Variants in CADM2 observed in about 807,000 individuals in gnomAD.
CADM2 encodes the protein immunoglobulin superfamily member 4D.
Under a neutral mutation model 49.8 loss-of-function variants are expected in CADM2, and 12 were observed. The ratio of observed to expected loss-of-function variants is 0.24; its 90% CI spans 0.15 to 0.39. CADM2 has a LOEUF of 0.39. Ranked by LOEUF, CADM2 falls within the 10% of genes least tolerant of loss-of-function variation. CADM2 has a pLI of 1.00. For missense variants in CADM2, 378 were observed against 492.3 expected (o/e 0.77, Z 2.20); for synonymous variants, 214 against 175.4 (o/e 1.22, Z -1.74).
At position 84,959,360 on chromosome 3, in the gene CADM2, G is replaced by A. The variant is rs28646033; in HGVS notation, c.-248G>A. 3.5e-6 allele frequency: 2 copies of A among 564,050 alleles called. No individual in the cohort carries two copies. Among genetic ancestry groups the A allele is most frequent in the Non-Finnish European group, 6.3e-6 (2 of 317,036 alleles). 34.9% of individuals were successfully genotyped at this position (564,050 alleles called of 1,614,324 possible). A position where few individuals can be genotyped will look rare whatever the true frequency, so the allele number is the denominator to read the frequency against. Reference sequence around the variant, plus strand: ...CCCTGCCTGGAAGACGGGCTGTCGCGGCTGCACCACCAGCAGGAGGAGGAG... The same window carrying A: ...CCCTGCCTGGAAGACGGGCTGTCGCAGCTGCACCACCAGCAGGAGGAGGAG... On this transcript the variant is annotated 5_prime_UTR_variant, in exon 1 of 10. Coordinates refer to ENST00000383699, the MANE Select transcript of CADM2 (RefSeq NM_001167675.2).
At chr3:85,325,814 T>A (rs1576352848) in intron 1 of CADM2, among the ~76,000 whole-genome samples, 1 of 152,254 alleles carries the variant, frequency 6.6e-6, no homozygotes, top group Admixed American at 6.5e-5. Context: ...ATTTCCCCAT[T>A]TAACAAATAT....
chr3:85,857,023 G>T (rs2075342908), intron 3 of CADM2, among the ~76,000 whole-genome samples: 1 of 152,106 alleles, frequency 6.6e-6, no homozygotes, highest in Admixed American at 6.5e-5. Context: ...TTGAAGTTTG[G>T]AGTTTAAAAT....
At chr3:85,817,703 C>T (rs1328376735) in intron 3 of CADM2, among the ~76,000 whole-genome samples, 1 of 152,134 alleles carries the variant, frequency 6.6e-6, no homozygotes, top group African/African-American at 2.4e-5. Flanking sequence ...TGACTGATTG[C>T]ATAAACCAAT....
At chr3:85,398,472 G>T (rs2034912614) in intron 1 of CADM2, among the ~76,000 whole-genome samples, 1 of 152,146 alleles carries the variant, frequency 6.6e-6, no homozygotes, top group South Asian at 2.1e-4. Flanking sequence ...ACATACATGT[G>T]CATGTGTCTT....
intron 1 of CADM2, among the ~76,000 whole-genome samples, chr3:85,313,055 T>C (rs2044384715): frequency 6.6e-6 from 1 of 152,148 alleles, no homozygotes; most frequent in African/African-American, 2.4e-5. Context: ...ATACATGTTT[T>C]TGAAACAGGT....
intron 2 of CADM2, among the ~76,000 whole-genome samples, chr3:85,757,210 A>T (rs900270889): frequency 6.6e-6 from 1 of 152,170 alleles, no homozygotes; most frequent in Non-Finnish European, 1.5e-5. Context: ...AACATTTGCA[A>T]TGATATTAGA....
chr3:85,601,820 C>A (rs879558695), intron 1 of CADM2, among the ~76,000 whole-genome samples: 43 of 151,654 alleles, frequency 2.8e-4, no homozygotes, highest in Non-Finnish European at 3.0e-4. Context: ...ACTTCATATT[C>A]TCTTCTTAAT....
chr3:85,586,975 C>T (rs1357115688), intron 1 of CADM2, among the ~76,000 whole-genome samples: 1 of 152,026 alleles, frequency 6.6e-6, no homozygotes, highest in East Asian at 1.9e-4. Flanking sequence ...GATTCCAGTA[C>T]ATGGAAGGCC....
chr3:86,054,714 C>T (rs1022569725), intron 8 of CADM2, among the ~76,000 whole-genome samples: 2 of 150,574 alleles, frequency 1.3e-5, no homozygotes, highest in Middle Eastern at 3.4e-3. Flanking sequence ...AGCCATGTGT[C>T]TTTTTTTTTC....
Position 86,067,755 on chromosome 3 carries a change from T to A in CADM2, c.*972T>A, listed in dbSNP as rs1739490290. On this transcript the variant is annotated 3_prime_UTR_variant, in exon 10 of 10. Transcript: ENST00000383699. ...AGTCATAAGTAAGCATTTTCTAACGTCCATTATATCCCTTTAGGTATTACT... is the reference window on the plus strand; with the variant it reads ...AGTCATAAGTAAGCATTTTCTAACGACCATTATATCCCTTTAGGTATTACT... The A allele has an allele frequency of 6.6e-6, 1 of 152,526 alleles. No individual in the cohort carries two copies. The highest frequency in any genetic ancestry group is 1.5e-5 in the Non-Finnish European group (1 of 67,938). The allele number at this position is 152,526 out of a possible 1,614,324, so 9.4% of individuals were successfully genotyped here.
chr3:85,100,103 T>C (rs964576300), intron 1 of CADM2, among the ~76,000 whole-genome samples: 2 of 152,190 alleles, frequency 1.3e-5, no homozygotes, highest in Admixed American at 6.5e-5. Flanking sequence ...AAATTTTTCT[T>C]TCCCAGGTAA....
intron 1 of CADM2, among the ~76,000 whole-genome samples, chr3:85,087,141 C>A (rs1402627907): frequency 6.6e-6 from 1 of 151,972 alleles, no homozygotes; most frequent in East Asian, 1.9e-4. Flanking sequence ...AAAGGTAATC[C>A]CTTTTGTAAG....
rs2069425508 is a variant in CADM2 at position 85,762,223 on chromosome 3, G to GA, written c.88+35679dup. ...TGACAAATGAACTTAAGCATTTATA[G>GA]AAAATCTGTTAATAGTGACACAATA... is the stretch of plus-strand genomic sequence containing the variant. On this transcript the variant is annotated intron_variant, in intron 2 of 9. Transcript: ENST00000383699. Among the ~76,000 whole-genome samples, 3 of 152,220 alleles carry GA rather than the reference G, an allele frequency of 2.0e-5. No homozygotes were observed. In the South Asian group the frequency reaches 6.2e-4, roughly 32 times the overall value.
intron 6 of CADM2, among the ~76,000 whole-genome samples, chr3:85,928,247 C>T (rs571095665): frequency 6.6e-6 from 1 of 151,522 alleles, no homozygotes; most frequent in East Asian, 1.9e-4. Context: ...TAACCTCCGC[C>T]TCCCGGGTTC....
intron 1 of CADM2, among the ~76,000 whole-genome samples, chr3:85,116,611 T>C (rs958664839): frequency 6.6e-6 from 1 of 152,178 alleles, no homozygotes; most frequent in African/African-American, 2.4e-5. Context: ...TACTTCTCAA[T>C]GAAATTAAAG....
At chr3:86,052,421 C>T (rs1737457336) in intron 8 of CADM2, among the ~76,000 whole-genome samples, 1 of 151,954 alleles carries the variant, frequency 6.6e-6, no homozygotes, top group Admixed American at 6.6e-5. Flanking sequence ...TTAAATTTTT[C>T]TTCAGCACAG....
rs571721075 is a variant in CADM2 at position 85,290,597 on chromosome 3, G to C, written c.61+330929G>C. 1.1e-3 allele frequency among the ~76,000 whole-genome samples: 166 copies of C among 152,310 alleles called. 2 individuals are homozygous for C. In the Middle Eastern group the frequency reaches 0.027, roughly 25 times the overall value. On this transcript the variant is annotated intron_variant, in intron 1 of 9. Transcript: ENST00000383699. ...CAGCACGCAGCTGGAGATCTGAGAA[G>C]GGGCAGACTGCCTCCTCAAGTGGGT...
intron 1 of CADM2, among the ~76,000 whole-genome samples, chr3:85,260,466 C>A (rs1016528200): frequency 6.6e-6 from 1 of 152,090 alleles, no homozygotes; most frequent in Non-Finnish European, 1.5e-5. Flanking sequence ...AGATCCTCAA[C>A]ATAACTAAAC....
chr3:85,315,669 A>T (rs1284617808), intron 1 of CADM2, among the ~76,000 whole-genome samples: 1 of 152,188 alleles, frequency 6.6e-6, no homozygotes, highest in East Asian at 1.9e-4. Flanking sequence ...ATGCAATTCA[A>T]TTTTTTAAAA....
Sources: gnomAD v4.1 joint callset for allele counts (sites outside exome capture counted in the v4.1 genomes callset) on GRCh38, gnomAD v4.1.1 for gene constraint, MANE v1.5 for transcripts, NCBI Gene and HGNC (gene_info 2026-07-23, HGNC 2026-07-21) for gene names.